UGT2A1: variants seen among roughly 807,000 people sequenced by gnomAD.
UGT2A1 encodes the protein UDP glucuronosyltransferase family 2 member A1 complex locus, also known as UDP-glucuronosyltransferase 2A1.
UGT2A1 carries 61 observed loss-of-function variants against 45.4 expected under a neutral mutation model. The observed-to-expected ratio is 1.34, with a 90% CI of 1.09 to 1.66. UGT2A1 has a LOEUF of 1.66. Among genes scored for constraint, UGT2A1 ranks in the 40% most tolerant of loss-of-function variants. UGT2A1 has a pLI of 0.00. For missense variants in UGT2A1, 649 were observed against 574.3 expected (o/e 1.13, Z -1.33); for synonymous variants, 229 against 196.2 (o/e 1.17, Z -1.40).
At chr4:69,620,385 T>C (rs185671982) in intron 3 of UGT2A1, among the ~76,000 whole-genome samples, 10 of 131,714 alleles carry the variant, frequency 7.6e-5, no homozygotes, top group Non-Finnish European at 1.5e-4. Context: ...TCACAATTGC[T>C]AAAAAAGAAT....
At chr4:69,648,128 CATT>C (rs1368502787) in intron 1 of UGT2A1, among the ~76,000 whole-genome samples, 5 of 150,508 alleles carry the variant, frequency 3.3e-5, no homozygotes, top group African/African-American at 1.2e-4. Flanking sequence ...CACAATTAAA[CATT>C]ATAATAACAG....
chr4:69,620,992 A>C (rs538350333), intron 3 of UGT2A1, among the ~76,000 whole-genome samples: 1 of 152,188 alleles, frequency 6.6e-6, no homozygotes, highest in African/African-American at 2.4e-5. Flanking sequence ...ACCATATACA[A>C]ATATCAACTC....
intron 3 of UGT2A1, among the ~76,000 whole-genome samples, chr4:69,635,368 A>G (rs969469240): frequency 1.3e-5 from 2 of 152,198 alleles, no homozygotes; most frequent in East Asian, 1.9e-4. Flanking sequence ...CAAAAGACAC[A>G]TGCAAAATGG....
intron 2 of UGT2A1, chr4:69,638,796 T>G (rs1721868523): frequency 7.3e-7 from 1 of 1,370,124 alleles, no homozygotes; most frequent in East Asian, 2.5e-5. Flanking sequence ...AAGTCCATTA[T>G]CTTCAGCTCA....
chr4:69,623,851 A>C (rs571146799), intron 3 of UGT2A1, among the ~76,000 whole-genome samples: 6 of 151,686 alleles, frequency 4.0e-5, no homozygotes. Flanking sequence ...ATAAAAATAA[A>C]GACTTGAGCA....
At chr4:69,593,385 T>C (rs1252452841) in intron 6 of UGT2A1, among the ~76,000 whole-genome samples, 6 of 151,892 alleles carry the variant, frequency 4.0e-5, no homozygotes, top group Non-Finnish European at 7.4e-5. Flanking sequence ...GAAATAGAGA[T>C]ACATTTCAAA....
intron 3 of UGT2A1, among the ~76,000 whole-genome samples, chr4:69,617,170 A>C (rs1362296813): frequency 6.6e-6 from 1 of 151,914 alleles, no homozygotes; most frequent in Non-Finnish European, 1.5e-5. Context: ...CAAAACTATA[A>C]AACAAAAATG....
Position 69,599,356 on chromosome 4 carries a change from C to G in UGT2A1, c.886G>C (p.Glu296Gln), listed in dbSNP as rs764849826. 6.2e-7 allele frequency: 1 copy of G among 1,613,698 alleles called. No homozygotes were observed. Among genetic ancestry groups the G allele is most frequent in the East Asian group, 2.2e-5 (1 of 44,806 alleles). The change falls in exon 4 of 7, where the codon GAA becomes CAA. Residue 296 changes from glutamate (E) to glutamine (Q), a missense_variant. Transcript: ENST00000286604. ...TTLCETMGKA[E>Q]IWLIRTYWDF... Reference sequence around the variant, plus strand: ...CAATATGTTCGGATTAACCAAATTTCAGCTTTCCCCATAGTCTCACATAAC... The same window carrying G: ...CAATATGTTCGGATTAACCAAATTTGAGCTTTCCCCATAGTCTCACATAAC...
chr4:69,645,706 C>A (rs971827707), intron 2 of UGT2A1, among the ~76,000 whole-genome samples: 3 of 151,682 alleles, frequency 2.0e-5, no homozygotes, highest in Non-Finnish European at 4.4e-5. Context: ...TTTAGATGGT[C>A]CTGAATTGCT....
At chr4:69,611,903 C>A (rs911375043) in intron 3 of UGT2A1, among the ~76,000 whole-genome samples, 5 of 152,040 alleles carry the variant, frequency 3.3e-5, no homozygotes, top group African/African-American at 1.2e-4. Context: ...TTCAACTCCC[C>A]AAATCTACCC....
chr4:69,622,271 GTAA>G (rs139230337), intron 3 of UGT2A1, among the ~76,000 whole-genome samples: 6,476 of 151,682 alleles, frequency 0.043, 181 homozygotes, highest in South Asian at 0.071. Context: ...ACATAACAAA[GTAA>G]TAATATAATG....
At chr4:69,645,553 A>G (rs144829394) in intron 2 of UGT2A1, among the ~76,000 whole-genome samples, 262 of 151,624 alleles carry the variant, frequency 1.7e-3, no homozygotes, top group African/African-American at 6.1e-3. Context: ...ATTTTCCTCC[A>G]TTTATCAGCT....
rs569382652 is a variant in UGT2A1, at chr4:69,604,072, C to T, written c.848-4678G>A. ...AACTCAGGAAATACAGAGAACGCCA[C>T]AAAGATACTCCTCGAGAAGAGCAAC... On this transcript the variant is annotated intron_variant, in intron 3 of 6. Coordinates refer to ENST00000286604, the MANE Select transcript of UGT2A1 (RefSeq NM_001252275.3). Among the ~76,000 whole-genome samples the T allele has an allele frequency of 3.7e-5, 5 of 135,988 alleles. 1 individual carries two copies. The highest frequency in any genetic ancestry group is 2.1e-4 in the East Asian group (1 of 4,828). 89.2% of individuals were successfully genotyped at this position (135,988 alleles called of 152,430 possible). A position where few individuals can be genotyped will look rare whatever the true frequency, so the allele number is the denominator to read the frequency against.
At chr4:69,618,205 G>A (rs1315813883) in intron 3 of UGT2A1, among the ~76,000 whole-genome samples, 5 of 87,984 alleles carry the variant, frequency 5.7e-5, no homozygotes, top group African/African-American at 1.8e-4. Context: ...GTGTGTGTGT[G>A]TGTGTGTGTG....
chr4:69,646,898 T>A (rs781001029), intron 2 of UGT2A1, 32 bp downstream of exon 2: 5 of 1,477,402 alleles, frequency 3.4e-6, no homozygotes, highest in East Asian at 2.3e-5. Flanking sequence ...TTTGTTCAAA[T>A]TCAAGTAATA....
intron 3 of UGT2A1, among the ~76,000 whole-genome samples, chr4:69,623,218 G>A (rs1406267148): frequency 6.6e-6 from 1 of 151,766 alleles, no homozygotes; most frequent in Non-Finnish European, 1.5e-5. Context: ...TAGTAATTGT[G>A]ATTGTACTGC....
chr4:69,627,619 GAA>G (rs1721163403), intron 3 of UGT2A1, among the ~76,000 whole-genome samples: 3 of 142,466 alleles, frequency 2.1e-5, no homozygotes, highest in Admixed American at 1.4e-4. Flanking sequence ...AGAAAGAGAA[GAA>G]AGAAAAAAGA....
chr4:69,618,970 T>C (rs1560482230), intron 3 of UGT2A1, among the ~76,000 whole-genome samples: 1 of 151,896 alleles, frequency 6.6e-6, no homozygotes, highest in Non-Finnish European at 1.5e-5. Flanking sequence ...TTTAAATTAA[T>C]GTTGAATTTT....
At chr4:69,623,664 A>G (rs1248143078) in intron 3 of UGT2A1, among the ~76,000 whole-genome samples, 1 of 151,434 alleles carries the variant, frequency 6.6e-6, no homozygotes, top group East Asian at 1.9e-4. Flanking sequence ...GGTATAAAAA[A>G]TTCTATAGTA....
Sources: allele counts gnomAD v4.1 joint callset (sites outside exome capture counted in the v4.1 genomes callset), GRCh38; gene constraint gnomAD v4.1.1; transcripts MANE v1.5; gene names NCBI Gene and HGNC (gene_info 2026-07-23, HGNC 2026-07-21).